Variants in AMOTL1 observed in about 807,000 individuals in gnomAD.
AMOTL1 encodes angiomotin like 1.
AMOTL1 carries 45 observed loss-of-function variants against 102.9 expected under a neutral mutation model. The ratio of observed to expected loss-of-function variants is 0.44; its 90% CI spans 0.34 to 0.56. The LOEUF (loss-of-function observed/expected upper bound fraction) is 0.56, where lower values mean the gene tolerates loss of function less well. Among genes scored for constraint, AMOTL1 ranks in the 20% least tolerant of loss-of-function variants. The pLI is 0.01. For synonymous variants in AMOTL1, 481 were observed against 484.7 expected, an observed-to-expected ratio of 0.99 and a Z score of 0.10; for missense variants, 1,114 against 1,225.6, an observed-to-expected ratio of 0.91 and a Z score of 1.36.
intron 3 of AMOTL1, among the ~76,000 whole-genome samples, chr11:94,806,717 T>G (rs554604441): frequency 6.6e-6 from 1 of 152,336 alleles, no homozygotes; most frequent in East Asian, 1.9e-4. Context: ...GGTTACTTTC[T>G]CAGGAAACCT....
chr11:94,843,202 T>C (rs772299101), intron 6 of AMOTL1, among the ~76,000 whole-genome samples: 7 of 152,242 alleles, frequency 4.6e-5, no homozygotes, highest in Non-Finnish European at 8.8e-5. Context: ...TGCTTTTCTG[T>C]TTGTGAATTA....
chr11:94,828,046 A>G (rs1952000248), intron 4 of AMOTL1, among the ~76,000 whole-genome samples: 1 of 152,150 alleles, frequency 6.6e-6, no homozygotes, highest in African/African-American at 2.4e-5. Flanking sequence ...TTAGACTTGT[A>G]TGTTCACCTG....
chr11:94,768,661 G>A, intron 1 of AMOTL1, 101 bp downstream of exon 1: 3 of 1,521,654 alleles, frequency 2.0e-6, no homozygotes, highest in Non-Finnish European at 1.8e-6. Context: ...GCTCACGGAA[G>A]GGGGCAGCTT....
intron 9 of AMOTL1, among the ~76,000 whole-genome samples, 152 bp downstream of exon 9, chr11:94,859,867 A>C (rs1254586983): frequency 6.6e-6 from 1 of 152,234 alleles, no homozygotes; most frequent in Non-Finnish European, 1.5e-5. Context: ...GTTGGAGAGC[A>C]AAGTGGTATA....
At chr11:94,853,632 A>T (rs1318756522) in intron 7 of AMOTL1, among the ~76,000 whole-genome samples, 1 of 152,250 alleles carries the variant, frequency 6.6e-6, no homozygotes, top group Non-Finnish European at 1.5e-5. Flanking sequence ...CAATGCCTGA[A>T]AATGCAGAAA....
chr11:94,745,324 C>T (rs1430667261), intron 3 of AMOTL1, among the ~76,000 whole-genome samples: 1 of 151,142 alleles, frequency 6.6e-6, no homozygotes, highest in Non-Finnish European at 1.5e-5. Flanking sequence ...GAATTCCAAC[C>T]TTTTAATAAT....
chr11:94,830,328 G>A, intron 5 of AMOTL1, 134 bp downstream of exon 5: 1 of 834,184 alleles, frequency 1.2e-6, no homozygotes, highest in Non-Finnish European at 1.7e-6. Flanking sequence ...GTATTTCAAT[G>A]ATCTGGGGAA....
chr11:94,851,077 C>G (rs1343638077), intron 7 of AMOTL1, among the ~76,000 whole-genome samples: 5 of 152,102 alleles, frequency 3.3e-5, no homozygotes, highest in Non-Finnish European at 7.4e-5. Flanking sequence ...CCTTTAAAAC[C>G]CCATAAGTCT....
In AMOTL1 at chr11:94,866,183, T is replaced by G; in HGVS notation, c.2488+15T>G. ...GGGGAGCATAGGTGAGCCCCACACCTCTGTCAGACCATGATTGGAAAAGCA... is the reference window on the plus strand; with the variant it reads ...GGGGAGCATAGGTGAGCCCCACACCGCTGTCAGACCATGATTGGAAAAGCA... On this transcript the variant is annotated intron_variant, in intron 11 of 12. Coordinates refer to ENST00000433060, the MANE Select transcript of AMOTL1 (RefSeq NM_130847.3). 1 of 1,611,530 alleles carries G rather than the reference T, an allele frequency of 6.2e-7. No homozygotes were observed. The highest frequency in any genetic ancestry group is 1.1e-5 in the South Asian group (1 of 90,820).
At position 94,769,018 on chromosome 11, in the gene AMOTL1, G is replaced by T. The variant is rs185165359; in HGVS notation, c.49+458G>T. On this transcript the variant is annotated intron_variant, in intron 1 of 12. Transcript: ENST00000433060. ...CCGCCCGACGGGCTCTGGCGCTGTG[G>T]ACTGGACCCTTTCTGCCCGCCGGCC... Among the ~76,000 whole-genome samples, 630 of 152,178 alleles carry T rather than the reference G, an allele frequency of 4.1e-3. 13 individuals carry two copies. Among genetic ancestry groups the T allele is most frequent in the South Asian group, 0.035 (167 of 4,828 alleles).
At chr11:94,751,778 G>GCACACA (rs71036341) in intron 3 of AMOTL1, among the ~76,000 whole-genome samples, 48 of 146,736 alleles carry the variant, frequency 3.3e-4, no homozygotes, top group South Asian at 8.6e-4. Flanking sequence ...CATTCACACA[G>GCACACA]CACACACACA....
chr11:94,829,135 A>G (rs1178494901), intron 4 of AMOTL1, among the ~76,000 whole-genome samples: 1 of 151,478 alleles, frequency 6.6e-6, no homozygotes, highest in Non-Finnish European at 1.5e-5. Flanking sequence ...TTTTTAAATG[A>G]TTTTAATTTC....
At chr11:94,797,136 T>C (rs1310135079) in intron 2 of AMOTL1, 1 of 491,854 alleles carries the variant, frequency 2.0e-6, no homozygotes, top group Non-Finnish European at 2.6e-6. Flanking sequence ...ATGTGCCGTA[T>C]GTACACATGA....
intron 1 of AMOTL1, among the ~76,000 whole-genome samples, chr11:94,780,615 G>A (rs1202915366): frequency 6.6e-6 from 1 of 152,118 alleles, no homozygotes; most frequent in African/African-American, 2.4e-5. Context: ...ACTTTACGGG[G>A]GTGATTCCTG....
At chr11:94,724,569 G>T (rs1016850931) in intron 1 of AMOTL1, among the ~76,000 whole-genome samples, 1 of 152,062 alleles carries the variant, frequency 6.6e-6, no homozygotes, top group Admixed American at 6.6e-5. Context: ...GCAGATCCCT[G>T]GTTTACCCTG....
At chr11:94,840,528 C>T (rs1952275278) in intron 6 of AMOTL1, among the ~76,000 whole-genome samples, 1 of 151,748 alleles carries the variant, frequency 6.6e-6, no homozygotes, top group African/African-American at 2.4e-5. Context: ...ATTTCTTCAT[C>T]CCTGATCAGT....
At chr11:94,867,437 A>T (rs759173062) in intron 11 of AMOTL1, among the ~76,000 whole-genome samples, 4 of 152,112 alleles carry the variant, frequency 2.6e-5, no homozygotes, top group Admixed American at 6.5e-5. Context: ...CCTGTTTGTG[A>T]CGTGCAGCCA....
chr11:94,711,263 G>A (rs1417074015), intron 1 of AMOTL1, among the ~76,000 whole-genome samples: 1 of 151,966 alleles, frequency 6.6e-6, no homozygotes, highest in Admixed American at 6.6e-5. Flanking sequence ...AAACACTCTG[G>A]CTGTTAAAGA....
At chr11:94,854,320 G>A (rs1952613872) in intron 8 of AMOTL1, among the ~76,000 whole-genome samples, 2 of 152,260 alleles carry the variant, frequency 1.3e-5, no homozygotes, top group East Asian at 1.9e-4. Context: ...TGGGGAGAGC[G>A]GAATGCAGCA....
Sources: gnomAD v4.1 joint callset for allele counts (sites outside exome capture counted in the v4.1 genomes callset) on GRCh38, gnomAD v4.1.1 for gene constraint, MANE v1.5 for transcripts, NCBI Gene and HGNC (gene_info 2026-07-23, HGNC 2026-07-21) for gene names.